GABBR2: variants seen among roughly 807,000 people sequenced by gnomAD.
GABBR2 encodes G-protein coupled receptor 51.
Under a neutral mutation model 105.6 loss-of-function variants are expected in GABBR2, and 23 were observed. The observed-to-expected ratio is 0.22, with a 90% CI of 0.16 to 0.31. The LOEUF (loss-of-function observed/expected upper bound fraction) is 0.31. Ranked by LOEUF, GABBR2 falls within the 10% of genes least tolerant of loss-of-function variation. The pLI is 1.00. For missense variants in GABBR2, 734 were observed against 1,245.5 expected, an observed-to-expected ratio of 0.59 and a Z score of 6.18; for synonymous variants, 478 against 499.7, an observed-to-expected ratio of 0.96 and a Z score of 0.58.
At chr9:98,389,034 A>C (rs1001272077) in intron 9 of GABBR2, 30 bp from the exon 10 acceptor site, 1 of 1,591,684 alleles carries the variant, frequency 6.3e-7, no homozygotes, top group Admixed American at 1.7e-5. Flanking sequence ...CATCAGTGGG[A>C]CCCAATGCAA....
chr9:98,479,212 C>A (rs1045898958), intron 5 of GABBR2, among the ~76,000 whole-genome samples: 1 of 152,116 alleles, frequency 6.6e-6, no homozygotes, highest in Non-Finnish European at 1.5e-5. Context: ...ATAAAACTTG[C>A]CAGTAAATGG....
intron 7 of GABBR2, among the ~76,000 whole-genome samples, chr9:98,432,652 G>T (rs1030446258): frequency 6.6e-6 from 1 of 152,154 alleles, no homozygotes; most frequent in Non-Finnish European, 1.5e-5. Context: ...AGGAAATTTA[G>T]TACTTCAGGA....
At chr9:98,505,626 T>A (rs1400772035) in intron 3 of GABBR2, among the ~76,000 whole-genome samples, 4 of 152,128 alleles carry the variant, frequency 2.6e-5, no homozygotes, top group Non-Finnish European at 4.4e-5. Flanking sequence ...TGGGATGAGA[T>A]CATCCTGGAT....
chr9:98,486,190 C>A (rs1221806471), intron 4 of GABBR2, among the ~76,000 whole-genome samples: 1 of 152,216 alleles, frequency 6.6e-6, no homozygotes, highest in Non-Finnish European at 1.5e-5. Context: ...GTGGCACTGG[C>A]CTTGCCCCGG....
At chr9:98,386,198 C>T (rs1832068941) in intron 10 of GABBR2, among the ~76,000 whole-genome samples, 1 of 150,658 alleles carries the variant, frequency 6.6e-6, no homozygotes. Flanking sequence ...TAAACAAAAG[C>T]ATTAAGTCAA....
intron 13 of GABBR2, among the ~76,000 whole-genome samples, chr9:98,322,161 G>T (rs574272256): frequency 6.6e-6 from 1 of 151,770 alleles, no homozygotes; most frequent in Non-Finnish European, 1.5e-5. Flanking sequence ...GCCCAGAGGG[G>T]GCACCAGGGG....
At chr9:98,458,681 G>A (rs1826369059) in intron 6 of GABBR2, among the ~76,000 whole-genome samples, 1 of 152,134 alleles carries the variant, frequency 6.6e-6, no homozygotes, top group Non-Finnish European at 1.5e-5. Flanking sequence ...CTCCAGCCTG[G>A]GTGACAGAGT....
intron 7 of GABBR2, among the ~76,000 whole-genome samples, chr9:98,429,523 C>T (rs190172277): frequency 1.4e-3 from 212 of 152,274 alleles, no homozygotes; most frequent in Non-Finnish European, 1.8e-3. Flanking sequence ...TACGTACATG[C>T]CTTTTATTGA....
At chr9:98,556,582 G>T (rs1473432077) in intron 2 of GABBR2, among the ~76,000 whole-genome samples, 1 of 152,150 alleles carries the variant, frequency 6.6e-6, no homozygotes, top group African/African-American at 2.4e-5. Context: ...CTGGGGTTGC[G>T]CATGGGCAAG....
Position 98,362,814 on chromosome 9 carries a change from A to C in GABBR2, c.1794T>G (p.Leu598=), listed in dbSNP as rs1275051413. The change falls in exon 13 of 19, where the codon CTT becomes CTG. Residue 598 remains leucine, a synonymous_variant. Coordinates refer to ENST00000259455, the MANE Select transcript of GABBR2 (RefSeq NM_005458.8). The part of the protein sequence containing the change: ...KKKIIKDQKL[L]VIVGGMLLID... The stretch of plus-strand genomic sequence containing the variant: ...TCAGCAGCATGCCCCCCACGATCAC[A>C]AGCAGTTTCTGGTCCTTGATGATCT... 1.3e-6 allele frequency: 2 copies of C among 1,593,752 alleles called. No homozygotes were observed. Among genetic ancestry groups the C allele is most frequent in the South Asian group, 2.3e-5 (2 of 87,638 alleles).
intron 11 of GABBR2, among the ~76,000 whole-genome samples, chr9:98,378,153 A>C (rs1045338847): frequency 5.3e-5 from 8 of 152,218 alleles, no homozygotes; most frequent in Non-Finnish European, 1.0e-4. Flanking sequence ...ACTTGAATTT[A>C]CTGGGAGGCC....
chr9:98,414,668 C>T (rs1832655239), intron 7 of GABBR2, among the ~76,000 whole-genome samples: 1 of 152,130 alleles, frequency 6.6e-6, no homozygotes, highest in Admixed American at 6.6e-5. Flanking sequence ...ATTTCCTTTT[C>T]CTCCTAGGCA....
intron 1 of GABBR2, among the ~76,000 whole-genome samples, chr9:98,639,755 G>A (rs1829934181): frequency 6.6e-6 from 1 of 151,980 alleles, no homozygotes; most frequent in South Asian, 2.1e-4. Context: ...AACTTGCAGT[G>A]TCTGCATTGT....
chr9:98,299,093 CTG>C, intron 17 of GABBR2, 129 bp downstream of exon 17: 2 of 781,348 alleles, frequency 2.6e-6, no homozygotes, highest in Non-Finnish European at 2.2e-6. Context: ...TGCTCCAGCT[CTG>C]TGTGTGTGAC....
intron 3 of GABBR2, among the ~76,000 whole-genome samples, chr9:98,507,477 C>T (rs1184955091): frequency 6.6e-6 from 1 of 152,146 alleles, no homozygotes; most frequent in South Asian, 2.1e-4. Flanking sequence ...TCCCCTAAAG[C>T]CTCCAGAAGG....
intron 1 of GABBR2, among the ~76,000 whole-genome samples, chr9:98,638,816 C>A (rs1273529403): frequency 6.6e-6 from 1 of 152,164 alleles, no homozygotes; most frequent in African/African-American, 2.4e-5. Context: ...TTTACTGAGG[C>A]TCCAGAGGAA....
At chr9:98,565,672 G>A (rs751034188) in intron 2 of GABBR2, among the ~76,000 whole-genome samples, 1 of 152,252 alleles carries the variant, frequency 6.6e-6, no homozygotes, top group African/African-American at 2.4e-5. Context: ...GAAGAAGGAA[G>A]GCAATGCACC....
chr9:98,496,658 T>G, intron 3 of GABBR2, 144 bp from the exon 4 acceptor site: 1 of 640,392 alleles, frequency 1.6e-6, no homozygotes. Flanking sequence ...TTTACATTAT[T>G]AACTAGACCG....
chr9:98,614,438 T>C (rs1829549957), intron 1 of GABBR2, among the ~76,000 whole-genome samples: 1 of 152,108 alleles, frequency 6.6e-6, no homozygotes, highest in African/African-American at 2.4e-5. Context: ...GGCAGGAGAA[T>C]TGCTTGACCC....
Sources: gnomAD v4.1 joint callset for allele counts (sites outside exome capture counted in the v4.1 genomes callset) on GRCh38, gnomAD v4.1.1 for gene constraint, MANE v1.5 for transcripts, NCBI Gene and HGNC (gene_info 2026-07-23, HGNC 2026-07-21) for gene names.